Variants in OCA2 observed in about 807,000 individuals in gnomAD.
OCA2 encodes P protein.
In OCA2, 77 loss-of-function variants were observed where a neutral mutation model predicts 100.2. That is an observed-to-expected ratio of 0.77 (90% CI 0.64 to 0.93). The LOEUF (loss-of-function observed/expected upper bound fraction) is 0.93. OCA2 is among the 40% of genes least tolerant of loss of function. The probability of loss-of-function intolerance (pLI) is 0.00; values close to 1 mark genes in which losing one functional copy is unlikely to be tolerated. For synonymous variants in OCA2, 432 were observed against 439.2 expected (o/e 0.98, Z 0.21); for missense variants, 1,062 against 1,089.1 (o/e 0.98, Z 0.35).
At chr15:28,009,064 G>T (rs1007368226) in intron 9 of OCA2, among the ~76,000 whole-genome samples, 2 of 152,232 alleles carry the variant, frequency 1.3e-5, no homozygotes, top group Non-Finnish European at 2.9e-5. Context: ...TGGCTCCACT[G>T]CTGGAGAGCC....
chr15:28,022,815 T>C (rs2042635667), intron 5 of OCA2, among the ~76,000 whole-genome samples: 1 of 152,162 alleles, frequency 6.6e-6, no homozygotes, highest in Non-Finnish European at 1.5e-5. Flanking sequence ...TGCCTGGCCA[T>C]AAAATTAAAT....
At chr15:27,987,491 G>A (rs766794793) in intron 11 of OCA2, among the ~76,000 whole-genome samples, 17 of 151,870 alleles carry the variant, frequency 1.1e-4, no homozygotes, top group African/African-American at 4.1e-4. Flanking sequence ...AGGCCAAGGC[G>A]GGCGGATCAC....
intron 21 of OCA2, among the ~76,000 whole-genome samples, chr15:27,862,122 G>A (rs1236345717): frequency 6.6e-5 from 10 of 151,870 alleles, no homozygotes; most frequent in Non-Finnish European, 1.0e-4. Context: ...GACAGAAAGC[G>A]TGATCGTCAG....
intron 19 of OCA2, among the ~76,000 whole-genome samples, chr15:27,876,371 G>C (rs1451013362): frequency 6.6e-6 from 1 of 151,880 alleles, no homozygotes; most frequent in East Asian, 1.9e-4. Context: ...ATCTTGTTTG[G>C]ATCTATGTGA....
chr15:27,856,613 T>C (rs544715536), intron 21 of OCA2, among the ~76,000 whole-genome samples: 41 of 152,138 alleles, frequency 2.7e-4, no homozygotes, highest in Middle Eastern at 3.4e-3. Flanking sequence ...GGCTGGCCAT[T>C]GTTTCAACCT....
At chr15:27,734,065 CAGG>C in the OCA2 span, among the ~76,000 whole-genome samples, 1 of 150,356 alleles carries the variant, frequency 6.7e-6, no homozygotes, top group Non-Finnish European at 1.5e-5. Flanking sequence ...GAGGCTGATG[CAGG>C]AGAATTGCTT....
At chr15:27,776,917 C>G (rs2032253466) in intron 23 of OCA2, 1 of 150,940 alleles carries the variant, frequency 6.6e-6, no homozygotes, top group Non-Finnish European at 1.5e-5. Flanking sequence ...TCACCAGGGC[C>G]CGCAGCAGCA....
At chr15:27,960,493 C>T (rs1362489216) in intron 15 of OCA2, among the ~76,000 whole-genome samples, 1 of 152,150 alleles carries the variant, frequency 6.6e-6, no homozygotes, top group Non-Finnish European at 1.5e-5. Context: ...CCAGGCCTCA[C>T]CCTCTCACAT....
chr15:28,004,199 C>T (rs2042018353), intron 9 of OCA2, among the ~76,000 whole-genome samples: 1 of 152,360 alleles, frequency 6.6e-6, no homozygotes, highest in African/African-American at 2.4e-5. Flanking sequence ...GACCTGTGCA[C>T]AATAGACAGC....
At chr15:27,913,017 C>T (rs1300345889) in intron 19 of OCA2, among the ~76,000 whole-genome samples, 1 of 152,144 alleles carries the variant, frequency 6.6e-6, no homozygotes, top group Non-Finnish European at 1.5e-5. Flanking sequence ...ACTGAGAAAT[C>T]TCTACAAGGT....
At chr15:27,851,249 A>T in intron 22 of OCA2, 133 bp downstream of exon 22, 1 of 786,392 alleles carries the variant, frequency 1.3e-6, no homozygotes. Context: ...AAAGCTGAAT[A>T]TGTGTGTCCA....
In OCA2 at chr15:27,957,509, G is replaced by C; in HGVS notation, c.1784+79C>G. 1 of 1,504,788 alleles carries C rather than the reference G, an allele frequency of 6.6e-7. No individual in the cohort carries two copies. 93.2% of individuals were successfully genotyped at this position (1,504,788 alleles called of 1,614,324 possible). A position where few individuals can be genotyped will look rare whatever the true frequency, so the allele number is the denominator to read the frequency against. ...CCTAAATATCACGTATTAGTATACA[G>C]CTAATGTCGCTATTTTGTAGGCCCA... On this transcript the variant is annotated intron_variant, in intron 16 of 23. Coordinates refer to ENST00000354638, the MANE Select transcript of OCA2 (RefSeq NM_000275.3). The surrounding 1 kb of genome is among the most constrained non-coding windows in gnomAD (Gnocchi z 4.3).
chr15:28,050,919 T>C (rs2043492439), intron 2 of OCA2, among the ~76,000 whole-genome samples: 1 of 152,116 alleles, frequency 6.6e-6, no homozygotes. Context: ...GCCCCATCCT[T>C]GCCCTGCAGC....
rs2141940570 is a variant in OCA2, at chr15:28,086,509, CAGA to C, written c.-21-4617_-21-4615del. Among the ~76,000 whole-genome samples, 3 of 152,262 alleles carry C rather than the reference CAGA, an allele frequency of 2.0e-5. No individual in the cohort carries two copies. In the South Asian group the frequency reaches 6.2e-4, roughly 32 times the overall value. ...GTGGTGTCAAAGGAAGGCACCTAAA[CAGA>C]AGGTTTAAGTGGTGATTAGAGTCTT... is the stretch of plus-strand genomic sequence containing the variant. On this transcript the variant is annotated intron_variant, in intron 1 of 23. Coordinates refer to ENST00000354638, the MANE Select transcript of OCA2 (RefSeq NM_000275.3).
At chr15:27,958,905 G>A (rs2040318922) in intron 15 of OCA2, among the ~76,000 whole-genome samples, 1 of 152,162 alleles carries the variant, frequency 6.6e-6, no homozygotes, top group South Asian at 2.1e-4. Context: ...TCAAGGCATG[G>A]TGATCACCCG....
chr15:27,835,881 T>G (rs1336546532), intron 23 of OCA2, among the ~76,000 whole-genome samples: 1 of 152,230 alleles, frequency 6.6e-6, no homozygotes, highest in African/African-American at 2.4e-5. Context: ...GGGGCATTGC[T>G]TCCTGAAAAG....
chr15:27,832,644 T>TTATGGG (rs1254678249), intron 23 of OCA2, among the ~76,000 whole-genome samples: 2 of 152,210 alleles, frequency 1.3e-5, no homozygotes, highest in Admixed American at 1.3e-4. Context: ...TACGTTTAGC[T>TTATGGG]GTGTTTGCTG....
At chr15:28,044,866 T>C (rs942283247) in intron 2 of OCA2, among the ~76,000 whole-genome samples, 14 of 152,234 alleles carry the variant, frequency 9.2e-5, no homozygotes, top group African/African-American at 3.4e-4. Context: ...GCACTGTATG[T>C]CTTTTTTCAT....
intron 23 of OCA2, among the ~76,000 whole-genome samples, chr15:27,822,291 T>C (rs1313773061): frequency 6.6e-6 from 1 of 152,232 alleles, no homozygotes; most frequent in Non-Finnish European, 1.5e-5. Context: ...AAATCATATA[T>C]GCACTTTTTT....
Sources: allele counts gnomAD v4.1 joint callset (sites outside exome capture counted in the v4.1 genomes callset), GRCh38; gene constraint gnomAD v4.1.1; non-coding constraint Gnocchi (gnomAD v3.1); transcripts MANE v1.5; gene names NCBI Gene and HGNC (gene_info 2026-07-23, HGNC 2026-07-21).